STARD9: variants seen among roughly 807,000 people sequenced by gnomAD.
STARD9 encodes stAR-related lipid transfer protein 9.
In STARD9, 346 loss-of-function variants were observed where a neutral mutation model predicts 399.8. That is an observed-to-expected ratio of 0.87 (90% CI 0.79 to 0.95). STARD9 has a LOEUF of 0.95. STARD9 is among the 40% of genes least tolerant of loss of function. STARD9 has a pLI of 0.00. For synonymous variants in STARD9, 2,203 were observed against 2,143.5 expected, an observed-to-expected ratio of 1.03 and a Z score of -0.77; for missense variants, 5,832 against 5,667.5, an observed-to-expected ratio of 1.03 and a Z score of -0.93.
chr15:42,575,801 G>A, intron 1 of STARD9, 39 bp downstream of exon 1: 1 of 1,530,938 alleles, frequency 6.5e-7, no homozygotes, highest in East Asian at 2.4e-5. Flanking sequence ...GGCTTCACAG[G>A]AGCTGAAAAG....
intron 20 of STARD9, among the ~76,000 whole-genome samples, chr15:42,676,835 T>C (rs966501650): frequency 6.6e-6 from 1 of 152,138 alleles, no homozygotes; most frequent in African/African-American, 2.4e-5. Flanking sequence ...GTAGTTATGA[T>C]GGCCCGTAGT....
At chr15:42,601,508 G>A (rs1446385457) in intron 3 of STARD9, among the ~76,000 whole-genome samples, 3 of 147,060 alleles carry the variant, frequency 2.0e-5, no homozygotes, top group Admixed American at 6.7e-5. Flanking sequence ...CCCACCTCCC[G>A]GATGGGGCGG....
At chr15:42,591,476 A>T (rs1326804126) in intron 3 of STARD9, among the ~76,000 whole-genome samples, 3 of 151,424 alleles carry the variant, frequency 2.0e-5, no homozygotes, top group Non-Finnish European at 4.4e-5. Context: ...CAACAGAGCA[A>T]GAGTCCATCT....
chr15:42,584,949 A>G (rs951528420), intron 2 of STARD9, among the ~76,000 whole-genome samples: 4 of 152,234 alleles, frequency 2.6e-5, no homozygotes, highest in Admixed American at 2.6e-4. Flanking sequence ...ACATGACGCC[A>G]TGAGTGGAAA....
intron 3 of STARD9, among the ~76,000 whole-genome samples, chr15:42,600,518 C>CT (rs1458086836): frequency 1.3e-5 from 2 of 149,102 alleles, no homozygotes; most frequent in Admixed American, 6.7e-5. Flanking sequence ...TGCTTCGTTT[C>CT]TTTCTTTCTT....
At chr15:42,658,254 C>G (rs1595719637) in intron 9 of STARD9, among the ~76,000 whole-genome samples, 1 of 151,556 alleles carries the variant, frequency 6.6e-6, no homozygotes, top group Admixed American at 6.6e-5. Context: ...AAGTGATCCT[C>G]CCACCTCAGC....
chr15:42,663,453 C>A lies in STARD9; in HGVS notation c.1041C>A (p.Asp347Glu), dbSNP rs2060028552. 19 of 1,537,300 alleles carry A rather than the reference C, an allele frequency of 1.2e-5. No individual in the cohort carries two copies. Among genetic ancestry groups the A allele is most frequent in the Non-Finnish European group, 1.7e-5 (19 of 1,146,908 alleles). ...RDSVLTWLLK[D>E]SLGGNSKTIM... ...CTGTGTTGACCTGGCTGCTGAAGGA[C>A]AGCCTTGGAGGCAACTCTAAAACCA... Residue 347 changes from aspartate to glutamate, a missense_variant, in exon 12 of 33, where the codon GAC (aspartate) becomes GAA (glutamate). Transcript: ENST00000290607.
chr15:42,705,060 G>A (rs1002818739), intron 26 of STARD9, among the ~76,000 whole-genome samples: 18 of 152,188 alleles, frequency 1.2e-4, no homozygotes, highest in East Asian at 7.7e-4. Flanking sequence ...ATCTTTGTCC[G>A]TGGGCACAGG....
rs528447331 is a variant in STARD9, at chr15:42,718,792, C to A, written c.13883C>A (p.Thr4628Lys). The change falls in exon 32 of 33, where the codon ACA (threonine) becomes AAA (lysine). Residue 4628 changes from threonine to lysine, a missense_variant. Coordinates refer to ENST00000290607, the MANE Select transcript of STARD9 (RefSeq NM_020759.3). ...ATGGCAGCCCAGTCTGTGTATGATA[C>A]ATCCATGCCAAGACCCAGCAGAAAA... ...SVMAAQSVYD[T>K]SMPRPSRKMV... The A allele has an allele frequency of 1.3e-5, 20 of 1,537,274 alleles. No homozygotes were observed. In the African/African-American group the frequency reaches 2.6e-4, roughly 20 times the overall value.
chr15:42,634,826 G>A, intron 3 of STARD9, 30 bp from the exon 4 acceptor site: 1 of 1,156,330 alleles, frequency 8.6e-7, no homozygotes, highest in Non-Finnish European at 1.2e-6. Context: ...AAGGACCACA[G>A]TGATATTTCC....
intron 16 of STARD9, chr15:42,673,953 G>A (rs1429227538): frequency 1.3e-5 from 6 of 456,166 alleles, no homozygotes; most frequent in South Asian, 3.1e-5. Context: ...CTTCATCTGC[G>A]GACCAAGAAG....
chr15:42,649,700 T>C (rs2059718521), intron 7 of STARD9, among the ~76,000 whole-genome samples: 1 of 151,414 alleles, frequency 6.6e-6, no homozygotes, highest in Admixed American at 6.6e-5. Context: ...GCTTGGACTA[T>C]AGGCTCCCGC....
chr15:42,662,784 T>G lies in STARD9; in HGVS notation c.771-10T>G, dbSNP rs1264150123. The G allele has an allele frequency of 5.2e-6, 8 of 1,532,058 alleles. No individual in the cohort carries two copies. In the Admixed American group the frequency reaches 1.6e-4, roughly 30 times the overall value. The allele number at this position is 1,532,058 out of a possible 1,614,324, so 94.9% of individuals were successfully genotyped here. ...GCTTTTGTTTTTGTTTTTCATTGAC[T>G]GTGTTTTAGCGAAAGAGCAGATCCC... On this transcript the variant is annotated splice_polypyrimidine_tract_variant and intron_variant, in intron 10 of 32. Transcript: ENST00000290607.
Position 42,693,767 on chromosome 15 carries a change from AGCATCTCCAGGG to A in STARD9, c.12191_12202del (p.Ala4064_Gly4067del). The A allele has an allele frequency of 6.5e-7, 1 of 1,536,420 alleles. No individual in the cohort carries two copies. Among genetic ancestry groups the A allele is most frequent in the East Asian group, 2.4e-5 (1 of 40,902 alleles). On this transcript the variant is annotated inframe_deletion, in exon 23 of 33. Transcript: ENST00000290607. ...GGACAGAAAATGGAGGTGAGAGTTCAGCATCTCCAGGGGAACCACAACGCACTCTGGACCGAC... is the reference window on the plus strand; with the variant it reads ...GGACAGAAAATGGAGGTGAGAGTTCAGAACCACAACGCACTCTGGACCGAC...
chr15:42,677,739 A>C (rs995467543), intron 20 of STARD9, among the ~76,000 whole-genome samples: 4 of 152,164 alleles, frequency 2.6e-5, no homozygotes, highest in Non-Finnish European at 4.4e-5. Context: ...ACCTCTAAAG[A>C]GACGATACTG....
chr15:42,686,136 C>G lies in STARD9; in HGVS notation c.4558C>G (p.Leu1520Val). The change falls in exon 23 of 33, where the codon CTG becomes GTG. Residue 1520 changes from leucine to valine, a missense_variant. Leu to Val is a conservative substitution (Grantham distance 32). Around this residue, in one of 2 missense-constraint regions of STARD9, gnomAD observed 5,828 missense variants for 5,651.1 expected, o/e 1.03. Transcript: ENST00000290607. ...YPYLEEDSGS[L>V]AQASSKGGDT... is the part of the protein sequence containing the mutation. ...CTACCTTGAGGAAGACTCTGGTTCCCTGGCCCAAGCTTCTAGCAAAGGAGG... is the reference window on the plus strand; with the variant it reads ...CTACCTTGAGGAAGACTCTGGTTCCGTGGCCCAAGCTTCTAGCAAAGGAGG... 1 of 1,537,296 alleles carries G rather than the reference C, an allele frequency of 6.5e-7. No individual in the cohort carries two copies. Among genetic ancestry groups the G allele is most frequent in the Non-Finnish European group, 8.7e-7 (1 of 1,146,924 alleles).
chr15:42,588,021 G>A (rs745873470), intron 3 of STARD9, among the ~76,000 whole-genome samples: 8 of 152,240 alleles, frequency 5.3e-5, no homozygotes, highest in Non-Finnish European at 8.8e-5. Context: ...AGTTGTGACT[G>A]TATTTGTGGC....
At chr15:42,662,912 G>T (rs2060017865) in intron 11 of STARD9, 21 bp downstream of exon 11, 2 of 1,443,488 alleles carry the variant, frequency 1.4e-6, no homozygotes, top group South Asian at 1.2e-5. Context: ...ATAGATAATG[G>T]GAGTGGGAGG....
rs1300158994 is a variant in STARD9, at chr15:42,689,300, C to T, written c.7722C>T (p.Val2574=). Residue 2574 remains valine, a synonymous_variant, in exon 23 of 33, where the codon GTC becomes GTT. Coordinates refer to ENST00000290607, the MANE Select transcript of STARD9 (RefSeq NM_020759.3). ...QLHDFVARGT[V]LSYCETLLEP... is the part of the protein sequence containing the mutation. Reference sequence around the variant, plus strand: ...ATGACTTTGTGGCCAGGGGCACAGTCCTTTCTTACTGTGAAACTTTACTAG... The same window carrying T: ...ATGACTTTGTGGCCAGGGGCACAGTTCTTTCTTACTGTGAAACTTTACTAG... 18 of 1,537,124 alleles carry T rather than the reference C, an allele frequency of 1.2e-5. No individual in the cohort carries two copies. The highest frequency in any genetic ancestry group is 1.6e-5 in the Non-Finnish European group (18 of 1,146,918).
Sources: gnomAD v4.1 joint callset for allele counts (sites outside exome capture counted in the v4.1 genomes callset) on GRCh38, gnomAD v4.1.1 for gene constraint, gnomAD v4.1.1 regional missense constraint, MANE v1.5 for transcripts, NCBI Gene and HGNC (gene_info 2026-07-23, HGNC 2026-07-21) for gene names.